Variants in IMMP2L observed in about 807,000 individuals in gnomAD.
The protein encoded by IMMP2L is inner mitochondrial membrane peptidase subunit 2.
In IMMP2L, 18 loss-of-function variants were observed where a neutral mutation model predicts 19.3. That is an observed-to-expected ratio of 0.93 (90% CI 0.64 to 1.38). IMMP2L has a LOEUF of 1.38. Ranked by LOEUF, IMMP2L falls within the 40% of genes most tolerant of loss-of-function variation. The probability of loss-of-function intolerance (pLI) is 0.00; values close to 1 mark genes in which losing one functional copy is unlikely to be tolerated. For synonymous variants in IMMP2L, 76 were observed against 73.0 expected (o/e 1.04, Z -0.21); for missense variants, 233 against 218.2 (o/e 1.07, Z -0.43).
At chr7:111,323,977 A>AC (rs2130547813) in intron 3 of IMMP2L, among the ~76,000 whole-genome samples, 1 of 152,034 alleles carries the variant, frequency 6.6e-6, no homozygotes, top group East Asian at 1.9e-4. Flanking sequence ...AACATCACAC[A>AC]CCGGGACCTG....
At chr7:111,168,021 C>A (rs1806026112) in intron 3 of IMMP2L, among the ~76,000 whole-genome samples, 1 of 151,786 alleles carries the variant, frequency 6.6e-6, no homozygotes, top group African/African-American at 2.4e-5. Context: ...TTTCTACTTA[C>A]TTTATTCAAA....
intron 3 of IMMP2L, among the ~76,000 whole-genome samples, chr7:111,437,423 G>C (rs891322536): frequency 1.3e-5 from 2 of 151,798 alleles, no homozygotes; most frequent in African/African-American, 2.4e-5. Context: ...CACAGACTGG[G>C]CAACAAGAGC....
At chr7:111,548,323 T>A (rs567456480) in intron 1 of IMMP2L, among the ~76,000 whole-genome samples, 2 of 152,302 alleles carry the variant, frequency 1.3e-5, no homozygotes, top group African/African-American at 4.8e-5. Context: ...CTCAATATCA[T>A]AAATCAGGTA....
At chr7:111,166,610 C>T (rs770826221) in intron 3 of IMMP2L, among the ~76,000 whole-genome samples, 10 of 151,918 alleles carry the variant, frequency 6.6e-5, no homozygotes, top group Non-Finnish European at 1.0e-4. Flanking sequence ...GCTGCGAAAA[C>T]AAAGCACTAC....
Position 111,241,404 on chromosome 7 carries a change from C to T in IMMP2L, c.239+245834G>A, listed in dbSNP as rs1008398879. 5.6e-4 allele frequency among the ~76,000 whole-genome samples: 85 copies of T among 151,900 alleles called. 1 individual carries two copies. The highest frequency in any genetic ancestry group is 1.8e-3 in the African/African-American group (74 of 41,480). ...TATTCTTGTACAACAACAAGAAATA[C>T]GCAAAGATGAAAATACATATGCTCT... On this transcript the variant is annotated intron_variant, in intron 3 of 5. Transcript: ENST00000405709.
At chr7:111,108,353 A>C (rs1210641557) in intron 3 of IMMP2L, among the ~76,000 whole-genome samples, 1 of 152,166 alleles carries the variant, frequency 6.6e-6, no homozygotes, top group Non-Finnish European at 1.5e-5. Context: ...TCAATCATTA[A>C]GAATACATTT....
intron 5 of IMMP2L, among the ~76,000 whole-genome samples, chr7:110,809,745 C>T (rs561334138): frequency 1.2e-4 from 18 of 152,126 alleles, no homozygotes; most frequent in African/African-American, 4.1e-4. Flanking sequence ...AACAGGGCAA[C>T]TATCTGTTTC....
chr7:110,726,899 T>C (rs1234321261), intron 5 of IMMP2L, among the ~76,000 whole-genome samples: 3 of 152,150 alleles, frequency 2.0e-5, no homozygotes, highest in African/African-American at 7.2e-5. Context: ...TGTGGGCATT[T>C]TGTAAGAAGG....
At chr7:111,378,855 C>T (rs1830928388) in intron 3 of IMMP2L, among the ~76,000 whole-genome samples, 1 of 151,860 alleles carries the variant, frequency 6.6e-6, no homozygotes, top group African/African-American at 2.4e-5. Context: ...AGCCACCTAG[C>T]TGACTTGCAG....
intron 3 of IMMP2L, among the ~76,000 whole-genome samples, chr7:111,446,257 CACAG>C (rs1838396871): frequency 6.6e-6 from 1 of 151,642 alleles, no homozygotes; most frequent in South Asian, 2.1e-4. Context: ...GGGGGCAGGG[CACAG>C]ACAAACAAAA....
intron 5 of IMMP2L, among the ~76,000 whole-genome samples, chr7:110,772,292 G>T (rs1243053727): frequency 6.6e-6 from 1 of 152,164 alleles, no homozygotes; most frequent in Non-Finnish European, 1.5e-5. Flanking sequence ...TCCCACATCT[G>T]TGGGTAATGC....
intron 3 of IMMP2L, among the ~76,000 whole-genome samples, chr7:110,993,677 G>A (rs1176233307): frequency 6.6e-6 from 1 of 151,350 alleles, no homozygotes; most frequent in African/African-American, 2.4e-5. Context: ...CTGACTTTCT[G>A]TCAATGTCCA....
rs530640879 is a variant in IMMP2L at position 111,039,677 on chromosome 7, C to T, written c.240-76112G>A. ...TTTTAAAAACCATCACAACAAAAAC[C>T]GTCCAGTTTTACTGCATTAATCAAA... is the stretch of plus-strand genomic sequence containing the variant. On this transcript the variant is annotated intron_variant, in intron 3 of 5. Transcript: ENST00000405709. Among the ~76,000 whole-genome samples the T allele has an allele frequency of 6.6e-3, 1,000 of 152,158 alleles. 9 individuals are homozygous for T. Among genetic ancestry groups the T allele is most frequent in the Non-Finnish European group, 9.9e-3 (670 of 68,004 alleles).
At chr7:111,111,299 TAAAA>T (rs751990466) in intron 3 of IMMP2L, among the ~76,000 whole-genome samples, 2 of 92,274 alleles carry the variant, frequency 2.2e-5, no homozygotes, top group Admixed American at 1.3e-4. Context: ...GTAGCAGTTG[TAAAA>T]AAAAAAAAAA....
chr7:110,752,579 T>G (rs921400791), intron 5 of IMMP2L, among the ~76,000 whole-genome samples: 90 of 152,180 alleles, frequency 5.9e-4, no homozygotes, highest in African/African-American at 1.9e-3. Context: ...GGTCTTTGGA[T>G]TCTCTGGCCC....
chr7:110,741,013 A>G (rs1373433185), intron 5 of IMMP2L, among the ~76,000 whole-genome samples: 1 of 152,170 alleles, frequency 6.6e-6, no homozygotes, highest in Non-Finnish European at 1.5e-5. Context: ...AGAAGTCATT[A>G]TATGAAAAAG....
At chr7:111,103,677 C>T (rs564073420) in intron 3 of IMMP2L, among the ~76,000 whole-genome samples, 38 of 151,804 alleles carry the variant, frequency 2.5e-4, no homozygotes, top group Non-Finnish European at 3.7e-4. Flanking sequence ...CGTATGATGA[C>T]TTCTTAATAT....
intron 5 of IMMP2L, among the ~76,000 whole-genome samples, chr7:110,794,733 G>A (rs560192276): frequency 2.6e-5 from 4 of 151,966 alleles, no homozygotes; most frequent in Admixed American, 6.6e-5. Context: ...GTGTAAGAAT[G>A]TTTTGATTAT....
At chr7:111,345,218 T>C (rs1161569924) in intron 3 of IMMP2L, among the ~76,000 whole-genome samples, 2 of 152,166 alleles carry the variant, frequency 1.3e-5, no homozygotes, top group Non-Finnish European at 2.9e-5. Flanking sequence ...AAATGTGTAA[T>C]ATTACTAATT....
Sources: allele counts gnomAD v4.1 joint callset (sites outside exome capture counted in the v4.1 genomes callset), GRCh38; gene constraint gnomAD v4.1.1; transcripts MANE v1.5; gene names NCBI Gene and HGNC (gene_info 2026-07-23, HGNC 2026-07-21).